Variants in ARSD observed in about 807,000 individuals in gnomAD.
ARSD encodes the protein arylsulfatase D.
In ARSD, 21 loss-of-function variants were observed where a neutral mutation model predicts 32.6. That is an observed-to-expected ratio of 0.64 (90% CI 0.46 to 0.93). The LOEUF is 0.93. Among genes scored for constraint, ARSD ranks in the 40% least tolerant of loss-of-function variants. The probability of loss-of-function intolerance (pLI) is 0.00; values close to 1 mark genes in which losing one functional copy is unlikely to be tolerated. For synonymous variants in ARSD, 224 were observed against 237.4 expected (o/e 0.94, Z 0.52); for missense variants, 454 against 520.9 (o/e 0.87, Z 1.25).
Position 2,929,225 on chromosome X carries a change from C to A in ARSD, c.44+7G>T, listed in dbSNP as rs2089126168. ...TAGTATGGGCCGCGTCCCGGGGTCC[C>A]AGGCACCTGGCGGCGGGCGCGGCGC... On this transcript the variant is annotated splice_region_variant and intron_variant, in intron 1 of 9. Transcript: ENST00000381154. The A allele has an allele frequency of 3.8e-6, 4 of 1,040,431 alleles. No homozygotes were observed. The East Asian group carries it at 1.6e-4, about 42-fold the overall frequency. The allele number at this position is 1,040,431 out of a possible 1,213,427, so 85.7% of individuals were successfully genotyped here. A position where few individuals can be genotyped will look rare whatever the true frequency, so the allele number is the denominator to read the frequency against.
Position 2,920,598 on chromosome X carries a change from C to T in ARSD, c.439+3G>A, listed in dbSNP as rs1282366931. ...ATAATGTGAGGCTCCCACATATCCA[C>T]ACCTATGAGGCCGGTTGCATAGCCA... On this transcript the variant is annotated splice_donor_region_variant and intron_variant, in intron 4 of 9. Coordinates refer to ENST00000381154, the MANE Select transcript of ARSD (RefSeq NM_001669.4). 36 of 1,209,835 alleles carry T rather than the reference C, an allele frequency of 3.0e-5. No homozygotes were observed. The highest frequency in any genetic ancestry group is 3.7e-5 in the Non-Finnish European group (33 of 895,217).
chrX:2,907,352 G>C lies in ARSD; in HGVS notation c.1701C>G (p.Ile567Met), dbSNP rs758161215. 8.2e-7 allele frequency: 1 copy of C among 1,212,161 alleles called. No individual in the cohort carries two copies. Among genetic ancestry groups the C allele is most frequent in the Non-Finnish European group, 1.1e-6 (1 of 895,606 alleles). ...ACGGCTGCAGCCACGGCTTCCACAG[G>C]ATGTTGCTCATGGAAAACTGCTGGG... is the stretch of plus-strand genomic sequence containing the variant. ...PVPQQFSMSN[I>M]LWKPWLQPCC... is the part of the protein sequence containing the mutation. Residue 567 changes from isoleucine to methionine, a missense_variant, in exon 10 of 10, where the codon ATC (isoleucine) becomes ATG (methionine). Around this residue, in one of 3 missense-constraint regions of ARSD, gnomAD observed 179 missense variants for 198.5 expected, o/e 0.90. Coordinates refer to ENST00000381154, the MANE Select transcript of ARSD (RefSeq NM_001669.4).
intron 2 of ARSD, among the ~76,000 whole-genome samples, chrX:2,922,872 GAAAGA>G (rs1221470162): frequency 2.8e-3 from 174 of 63,160 alleles, no homozygotes; most frequent in African/African-American, 0.011. Context: ...AAAAAAAAAA[GAAAGA>G]AAAGAAAAGA....
intron 5 of ARSD, among the ~76,000 whole-genome samples, chrX:2,917,430 T>G (rs73437533): frequency 0.025 from 2,730 of 110,870 alleles, 71 homozygotes; most frequent in African/African-American, 0.085. Flanking sequence ...AAGGGGACTC[T>G]CAGATGCTCT....
intron 9 of ARSD, 105 bp from the exon 10 acceptor site, chrX:2,907,737 G>A (rs60983223): frequency 0.07 from 73,397 of 1,055,425 alleles, 3,684 homozygotes; most frequent in East Asian, 0.4. Flanking sequence ...TCCCTATTCA[G>A]TGAAAAGGAG....
intron 2 of ARSD, among the ~76,000 whole-genome samples, chrX:2,922,281 CAT>C (rs1045782333): frequency 2.7e-5 from 3 of 110,550 alleles, no homozygotes; most frequent in African/African-American, 9.9e-5. Flanking sequence ...ATTTATGACT[CAT>C]ATAACGAGGC....
rs1237064514 is a variant in ARSD, at chrX:2,908,743, T to C, written c.1398A>G (p.Ala466=). ...CACTGTCCTTCTGGTGCCAGCGTGC[T>C]GCGTGAAGATGCTGCCCACAGTAAT... is the stretch of plus-strand genomic sequence containing the variant. ...LFHYCGQHLH[A]ARWHQKDSGS... is the part of the protein sequence containing the mutation. The change falls in exon 9 of 10, where the codon GCA becomes GCG. Residue 466 remains alanine (A), a synonymous_variant. Coordinates refer to ENST00000381154, the MANE Select transcript of ARSD (RefSeq NM_001669.4). 8.3e-7 allele frequency: 1 copy of C among 1,202,191 alleles called. No individual in the cohort carries two copies. The highest frequency in any genetic ancestry group is 3.0e-5 in the East Asian group (1 of 33,510).
At chrX:2,923,233 G>T (rs1398182476) in intron 2 of ARSD, 5 of 243,391 alleles carry the variant, frequency 2.1e-5, no homozygotes, top group Non-Finnish European at 3.9e-5. Flanking sequence ...CAGCACTTTG[G>T]GGGGCTAAGG....
intron 6 of ARSD, chrX:2,914,436 C>A: frequency 4.0e-6 from 2 of 504,897 alleles, no homozygotes; most frequent in Non-Finnish European, 5.1e-6. Context: ...GGGGGCGTCT[C>A]ACTATGTTGC....
At chrX:2,910,125 C>G in intron 7 of ARSD, 146 bp from the exon 8 acceptor site, 1 of 738,217 alleles carries the variant, frequency 1.4e-6, no homozygotes. Flanking sequence ...TTCCCAAAAA[C>G]AGCCACAGCA....
intron 6 of ARSD, chrX:2,914,747 CT>C: frequency 9.7e-7 from 1 of 1,027,442 alleles, no homozygotes; most frequent in South Asian, 1.8e-5. Context: ...CTTTCGGTAA[CT>C]TCTGATGATG....
intron 4 of ARSD, among the ~76,000 whole-genome samples, chrX:2,918,578 G>A (rs781046470): frequency 2.8e-4 from 31 of 110,142 alleles, no homozygotes; most frequent in South Asian, 3.9e-4. Context: ...GTGAAACCCC[G>A]TCCCTACTAA....
In ARSD at chrX:2,907,463, G is replaced by A. The variant is rs192430949; in HGVS notation, c.1590C>T (p.Thr530=). The A allele has an allele frequency of 4.4e-4, 532 of 1,208,877 alleles. 3 individuals carry two copies. The East Asian group carries it at 0.015, about 35-fold the overall frequency. ...CGTGGTACAGGGGCTCGGAGTCGGG[G>A]GTCAGGGGCCGTGCCTCGGAGGGGT... The part of the protein sequence containing the change: ...SRDPSEARPL[T]PDSEPLYHAV... Residue 530 remains threonine, a synonymous_variant, in exon 10 of 10, where the codon ACC becomes ACT. Transcript: ENST00000381154.
chrX:2,927,212 G>C (rs139532846), intron 1 of ARSD, among the ~76,000 whole-genome samples: 12,118 of 105,627 alleles, frequency 0.11, 1,610 homozygotes, highest in African/African-American at 0.38. Flanking sequence ...CTTCCTAGAA[G>C]TAAATTGAAA....
At chrX:2,920,366 CTT>C (rs1259982212) in intron 4 of ARSD, 3,438 of 307,579 alleles carry the variant, frequency 0.011, no homozygotes, top group East Asian at 0.017. Flanking sequence ...AAAACGGGAT[CTT>C]TTTTTTTTTT....
chrX:2,907,822 G>C lies in ARSD; in HGVS notation c.1421-190C>G, dbSNP rs189957617. On this transcript the variant is annotated intron_variant, in intron 9 of 9. Coordinates refer to ENST00000381154, the MANE Select transcript of ARSD (RefSeq NM_001669.4). ...AGAGCATGTGTGTGTGCGCGCGTGC[G>C]CCCATGTGTGTCCGTTTGTGTCTCT... The C allele has an allele frequency of 9.2e-4, 902 of 982,222 alleles. 5 individuals are homozygous for C. The African/African-American group carries it at 0.016, about 18-fold the overall frequency. The allele number at this position is 982,222 out of a possible 1,213,427, so 80.9% of individuals were successfully genotyped here.
intron 5 of ARSD, among the ~76,000 whole-genome samples, chrX:2,917,494 G>A (rs1213613422): frequency 9.1e-6 from 1 of 109,608 alleles, no homozygotes. Flanking sequence ...TTTTTTTAGC[G>A]ACAGAGTCTC....
At position 2,914,428 on chromosome X, in the gene ARSD, G is replaced by T. The variant is rs1336650690; in HGVS notation, c.1000+1128C>A. 8.5e-6 allele frequency: 4 copies of T among 472,959 alleles called. No individual in the cohort carries two copies. The Admixed American group carries it at 2.1e-4, about 24-fold the overall frequency. 39.0% of individuals were successfully genotyped at this position (472,959 alleles called of 1,213,427 possible). ...AATTTTTTGTAGAGATGGGGGGGGG[G>T]GGCGTCTCACTATGTTGCCCAGGCT... On this transcript the variant is annotated intron_variant, in intron 6 of 9. Transcript: ENST00000381154.
intron 1 of ARSD, among the ~76,000 whole-genome samples, chrX:2,927,602 T>G (rs2089097129): frequency 8.9e-6 from 1 of 112,277 alleles, no homozygotes; most frequent in Non-Finnish European, 1.9e-5. Flanking sequence ...GGGAAAATCC[T>G]AACTTTCCAT....
Sources: allele counts gnomAD v4.1 joint callset (sites outside exome capture counted in the v4.1 genomes callset), GRCh38; gene constraint gnomAD v4.1.1; regional missense constraint gnomAD v4.1.1; transcripts MANE v1.5; gene names NCBI Gene and HGNC (gene_info 2026-07-23, HGNC 2026-07-21).